Variants in CDH12 observed in about 807,000 individuals in gnomAD.
CDH12 encodes the protein cadherin-12.
CDH12 carries 41 observed loss-of-function variants against 74.1 expected under a neutral mutation model. The observed-to-expected ratio is 0.55, with a 90% confidence interval of 0.43 to 0.72. The LOEUF (loss-of-function observed/expected upper bound fraction) is 0.72. CDH12 is among the 30% of genes least tolerant of loss of function. The pLI is 0.00. For synonymous variants in CDH12, 399 were observed against 355.0 expected (o/e 1.12, Z -1.39); for missense variants, 945 against 977.2 (o/e 0.97, Z 0.44).
intron 6 of CDH12, among the ~76,000 whole-genome samples, chr5:21,888,145 G>A (rs1443834036): frequency 6.6e-6 from 1 of 152,144 alleles, no homozygotes; most frequent in Non-Finnish European, 1.5e-5. Flanking sequence ...TGGTGCAACC[G>A]GAGGTTAAGT....
chr5:22,525,607 G>A (rs545719347), intron 1 of CDH12, among the ~76,000 whole-genome samples: 24 of 152,222 alleles, frequency 1.6e-4, no homozygotes, highest in African/African-American at 5.8e-4. Context: ...TACAACACAT[G>A]TCAATAACTG....
intron 3 of CDH12, among the ~76,000 whole-genome samples, chr5:22,383,486 T>C (rs1741855889): frequency 6.6e-6 from 1 of 152,178 alleles, no homozygotes; most frequent in African/African-American, 2.4e-5. Flanking sequence ...AGCAAAGGCA[T>C]TGGCAAGACA....
chr5:22,793,439 G>A (rs1748022390), intron 1 of CDH12, among the ~76,000 whole-genome samples: 1 of 152,122 alleles, frequency 6.6e-6, no homozygotes, highest in African/African-American at 2.4e-5. Context: ...TATAACTACA[G>A]TGCACATGAA....
chr5:21,762,101 C>A (rs1378812029), intron 12 of CDH12, among the ~76,000 whole-genome samples: 2 of 152,098 alleles, frequency 1.3e-5, no homozygotes, highest in South Asian at 2.1e-4. Context: ...GGGACTAATA[C>A]CTGGCTGTTA....
chr5:22,787,536 C>T (rs554274275), intron 1 of CDH12, among the ~76,000 whole-genome samples: 179 of 152,014 alleles, frequency 1.2e-3, no homozygotes, highest in Middle Eastern at 6.8e-3. Context: ...ATGGATGACT[C>T]CGAAACTTAT....
At chr5:21,892,236 T>C (rs1023207474) in intron 6 of CDH12, among the ~76,000 whole-genome samples, 1 of 152,148 alleles carries the variant, frequency 6.6e-6, no homozygotes, top group Non-Finnish European at 1.5e-5. Context: ...TTAATTGATA[T>C]GCAATTCTTG....
intron 3 of CDH12, among the ~76,000 whole-genome samples, chr5:22,287,825 A>G (rs1369431445): frequency 1.3e-5 from 2 of 152,062 alleles, no homozygotes; most frequent in Non-Finnish European, 1.5e-5. Context: ...GAAGTTTCAG[A>G]TTTCTTTTAA....
chr5:22,703,550 G>T lies in CDH12; in HGVS notation c.-523+149508C>A, dbSNP rs148775787. Reference sequence around the variant, plus strand: ...TAAGTAAAAAGTTGAATCAGCTCCTGAAATTATAAAACAAGATGTCATATT... The same window carrying T: ...TAAGTAAAAAGTTGAATCAGCTCCTTAAATTATAAAACAAGATGTCATATT... On this transcript the variant is annotated intron_variant, in intron 1 of 14. Transcript: ENST00000382254. Among the ~76,000 whole-genome samples, 568 of 152,166 alleles carry T rather than the reference G, an allele frequency of 3.7e-3. 4 individuals are homozygous for T. The highest frequency in any genetic ancestry group is 0.012 in the African/African-American group (515 of 41,540).
intron 3 of CDH12, among the ~76,000 whole-genome samples, chr5:22,233,174 T>C (rs989729778): frequency 2.6e-5 from 4 of 151,900 alleles, no homozygotes; most frequent in African/African-American, 9.7e-5. Context: ...TGTCAATTCA[T>C]AAACGTAATT....
chr5:21,916,427 A>G (rs928504084), intron 6 of CDH12, among the ~76,000 whole-genome samples: 3 of 152,176 alleles, frequency 2.0e-5, no homozygotes, highest in African/African-American at 7.2e-5. Flanking sequence ...TTGTCTTTGC[A>G]TTAATATTTC....
At chr5:22,240,236 T>A (rs1462672611) in intron 3 of CDH12, among the ~76,000 whole-genome samples, 1 of 152,212 alleles carries the variant, frequency 6.6e-6, no homozygotes, top group Non-Finnish European at 1.5e-5. Context: ...ATATTGATCA[T>A]CTTCATTCTT....
At chr5:21,869,798 A>G (rs1751520468) in intron 6 of CDH12, among the ~76,000 whole-genome samples, 1 of 152,176 alleles carries the variant, frequency 6.6e-6, no homozygotes, top group Non-Finnish European at 1.5e-5. Context: ...GGAAATGCAT[A>G]TGGGTGCCAA....
chr5:22,062,843 TG>T (rs1230758948), intron 5 of CDH12, among the ~76,000 whole-genome samples: 1 of 152,164 alleles, frequency 6.6e-6, no homozygotes, highest in Non-Finnish European at 1.5e-5. Context: ...CTATGAAGAC[TG>T]AGTTGGTATT....
chr5:22,743,260 T>TTTTATATA (rs1553997520), intron 1 of CDH12, among the ~76,000 whole-genome samples: 3 of 90,422 alleles, frequency 3.3e-5, no homozygotes, highest in South Asian at 3.2e-4. Flanking sequence ...AGCATGGAGA[T>TTTTATATA]TATATATATA....
chr5:22,379,345 A>G (rs1741664158), intron 3 of CDH12, among the ~76,000 whole-genome samples: 1 of 152,134 alleles, frequency 6.6e-6, no homozygotes, highest in African/African-American at 2.4e-5. Context: ...CTTTCTATTT[A>G]TTTATATTAA....
intron 1 of CDH12, among the ~76,000 whole-genome samples, chr5:22,585,817 G>A (rs1740367419): frequency 6.6e-6 from 1 of 151,916 alleles, no homozygotes; most frequent in South Asian, 2.1e-4. Context: ...ATTGCCCTTA[G>A]AATTATTTAT....
intron 5 of CDH12, among the ~76,000 whole-genome samples, chr5:21,994,996 T>C (rs1736194268): frequency 6.6e-6 from 1 of 152,090 alleles, no homozygotes; most frequent in Non-Finnish European, 1.5e-5. Context: ...TGCTGCTCAC[T>C]CTTTGGGTCT....
chr5:22,567,200 C>T (rs1396742348), intron 1 of CDH12, among the ~76,000 whole-genome samples: 1 of 152,078 alleles, frequency 6.6e-6, no homozygotes, highest in Non-Finnish European at 1.5e-5. Flanking sequence ...TCAGTTCACA[C>T]CATTATCCCA....
At chr5:22,456,187 G>A (rs1745263752) in intron 2 of CDH12, among the ~76,000 whole-genome samples, 1 of 150,414 alleles carries the variant, frequency 6.6e-6, no homozygotes, top group Admixed American at 6.6e-5. Flanking sequence ...ATAATTAGAA[G>A]CAAATGAGTT....
Sources: allele counts gnomAD v4.1 joint callset (sites outside exome capture counted in the v4.1 genomes callset), GRCh38; gene constraint gnomAD v4.1.1; transcripts MANE v1.5; gene names NCBI Gene and HGNC (gene_info 2026-07-23, HGNC 2026-07-21).